Variants in MCC observed in about 807,000 individuals in gnomAD.
MCC encodes the protein MCC regulator of Wnt signaling pathway.
In MCC, 90 loss-of-function variants were observed where a neutral mutation model predicts 116.2. That is an observed-to-expected ratio of 0.77 (90% CI 0.65 to 0.92). The LOEUF is 0.92. Among genes scored for constraint, MCC ranks in the 40% least tolerant of loss-of-function variants. The probability of loss-of-function intolerance (pLI) is 0.00; values close to 1 mark genes in which losing one functional copy is unlikely to be tolerated. For synonymous variants in MCC, 578 were observed against 510.5 expected, an observed-to-expected ratio of 1.13 and a Z score of -1.78; for missense variants, 1,516 against 1,312.2, an observed-to-expected ratio of 1.16 and a Z score of -2.40.
At chr5:113,471,952 C>A (rs1040203521) in intron 1 of MCC, among the ~76,000 whole-genome samples, 1 of 152,108 alleles carries the variant, frequency 6.6e-6, no homozygotes, top group Non-Finnish European at 1.5e-5. Flanking sequence ...GGGCGTGGGA[C>A]CCTTCGAGCC....
At chr5:113,343,558 G>T (rs1768061113) in intron 2 of MCC, among the ~76,000 whole-genome samples, 1 of 152,162 alleles carries the variant, frequency 6.6e-6, no homozygotes, top group African/African-American at 2.4e-5. Flanking sequence ...TCCCCACATT[G>T]GACTGAGTCA....
intron 1 of MCC, among the ~76,000 whole-genome samples, chr5:113,484,680 G>C (rs1772466056): frequency 6.6e-6 from 1 of 152,194 alleles, no homozygotes; most frequent in Admixed American, 6.5e-5. Context: ...ATCAACATTT[G>C]AGCTGAGACT....
At position 113,082,915 on chromosome 5, in the gene MCC, C is replaced by G; in HGVS notation, c.1729G>C (p.Ala577Pro). The G allele has an allele frequency of 3.7e-6, 6 of 1,614,174 alleles. No homozygotes were observed. The highest frequency in any genetic ancestry group is 5.1e-6 in the Non-Finnish European group (6 of 1,180,022). Residue 577 changes from alanine (A) to proline (P), a missense_variant, in exon 11 of 19, where the codon GCC becomes CCC. Physicochemically the swap from Ala to Pro is conservative, Grantham distance 27. Coordinates refer to ENST00000408903, the MANE Select transcript of MCC (RefSeq NM_001085377.2). ...TCTCTAATCTTGCTTTCTGAGATGG[C>G]AGATCCGTGTGAGTAGAGTGTTTGG... Reference protein sequence around the residue: ...IFQTLYSHGSAISESKIREFE... With the variant: ...IFQTLYSHGSPISESKIREFE...
At chr5:113,339,926 T>C (rs1331935731) in intron 3 of MCC, among the ~76,000 whole-genome samples, 1 of 152,244 alleles carries the variant, frequency 6.6e-6, no homozygotes, top group Non-Finnish European at 1.5e-5. Context: ...TCACCCAAAA[T>C]GGCCAGGCCA....
intron 1 of MCC, among the ~76,000 whole-genome samples, chr5:113,419,647 T>A (rs981466825): frequency 4.0e-5 from 6 of 151,474 alleles, no homozygotes; most frequent in African/African-American, 1.5e-4. Flanking sequence ...ATAGACTGGA[T>A]TAAGAAAATG....
intron 2 of MCC, among the ~76,000 whole-genome samples, chr5:113,368,959 T>C (rs1451281354): frequency 6.6e-6 from 1 of 152,154 alleles, no homozygotes; most frequent in Non-Finnish European, 1.5e-5. Context: ...TTTGCTAGAG[T>C]GGCTCACAGA....
chr5:113,256,002 T>C (rs868391426), intron 3 of MCC, among the ~76,000 whole-genome samples: 13 of 152,250 alleles, frequency 8.5e-5, no homozygotes, highest in Admixed American at 8.5e-4. Context: ...CAAACTCTTA[T>C]TCACTGAACA....
At position 113,123,030 on chromosome 5, in the gene MCC, A is replaced by C. The variant is rs528487185; in HGVS notation, c.885-204T>G. Among the ~76,000 whole-genome samples the C allele has an allele frequency of 2.0e-5, 3 of 152,334 alleles. No individual in the cohort carries two copies. The South Asian group carries it at 6.2e-4, about 32-fold the overall frequency. ...AAGCTGAAAGGTTGCCTCTGTGTCC[A>C]CAAAACATACCCATGTACCAAACGA... On this transcript the variant is annotated intron_variant, in intron 5 of 18. Coordinates refer to ENST00000408903, the MANE Select transcript of MCC (RefSeq NM_001085377.2).
chr5:113,462,951 G>C (rs763484201), intron 1 of MCC, among the ~76,000 whole-genome samples: 33 of 152,140 alleles, frequency 2.2e-4, no homozygotes, highest in Admixed American at 6.5e-4. Flanking sequence ...ATTACAAATG[G>C]AGATAAGTAA....
chr5:113,100,862 CAAGA>C (rs1426922901), intron 8 of MCC, among the ~76,000 whole-genome samples: 1 of 152,070 alleles, frequency 6.6e-6, no homozygotes, highest in Non-Finnish European at 1.5e-5. Context: ...TTGCCAAGAC[CAAGA>C]AAGAGAGTCA....
chr5:113,266,498 T>C (rs903180837), intron 3 of MCC, among the ~76,000 whole-genome samples: 1 of 152,184 alleles, frequency 6.6e-6, no homozygotes, highest in Non-Finnish European at 1.5e-5. Context: ...TGTATTTATC[T>C]GGGAGAGGGA....
intron 3 of MCC, among the ~76,000 whole-genome samples, chr5:113,279,032 AG>A (rs1765934974): frequency 1.3e-5 from 2 of 152,236 alleles, no homozygotes; most frequent in South Asian, 4.1e-4. Context: ...AAGAATATAA[AG>A]GGAAAAGCCC....
At chr5:113,365,344 T>G (rs1436166366) in intron 2 of MCC, among the ~76,000 whole-genome samples, 1 of 152,206 alleles carries the variant, frequency 6.6e-6, no homozygotes, top group African/African-American at 2.4e-5. Flanking sequence ...AGCCAGGGTC[T>G]CTGCTAAACC....
intron 1 of MCC, among the ~76,000 whole-genome samples, chr5:113,465,114 G>A (rs1485691816): frequency 3.3e-5 from 5 of 149,966 alleles, no homozygotes; most frequent in South Asian, 4.2e-4. Flanking sequence ...TTTGTGGGGC[G>A]GAGGGAGACA....
intron 3 of MCC, among the ~76,000 whole-genome samples, chr5:113,312,109 AAAAC>A (rs1480237164): frequency 6.6e-6 from 1 of 151,864 alleles, no homozygotes; most frequent in East Asian, 1.9e-4. Flanking sequence ...CCATCTCAAA[AAAAC>A]AAACAAACAA....
chr5:113,475,568 A>T (rs1772215212), intron 1 of MCC, among the ~76,000 whole-genome samples: 1 of 152,232 alleles, frequency 6.6e-6, no homozygotes, highest in South Asian at 2.1e-4. Context: ...GCTGACAGTT[A>T]ACTGTTCTCT....
chr5:113,375,617 G>A (rs922254585), intron 2 of MCC, among the ~76,000 whole-genome samples: 1 of 152,162 alleles, frequency 6.6e-6, no homozygotes, highest in Non-Finnish European at 1.5e-5. Context: ...ACAGGGGCTG[G>A]AGGGACTAAG....
intron 3 of MCC, among the ~76,000 whole-genome samples, chr5:113,304,510 A>T (rs1766935307): frequency 6.6e-6 from 1 of 152,196 alleles, no homozygotes; most frequent in South Asian, 2.1e-4. Flanking sequence ...CATCTCCGAC[A>T]TTATCAGTGG....
In MCC at chr5:113,082,979, G is replaced by C; in HGVS notation, c.1665C>G (p.Ala555=). The C allele has an allele frequency of 6.2e-7, 1 of 1,613,970 alleles. No homozygotes were observed. Among genetic ancestry groups the C allele is most frequent in the Non-Finnish European group, 8.5e-7 (1 of 1,179,966 alleles). Residue 555 remains alanine, a synonymous_variant, in exon 11 of 19, where the codon GCC becomes GCG. Transcript: ENST00000408903. ...TATTGGAGCAGTCCTGAAGTGAGTG[G>C]GCCAGGTGTTCAGCCACACTGCTGG... is the stretch of plus-strand genomic sequence containing the variant. ...GVSSSVAEHL[A]HSLQDCSNIQ... is the part of the protein sequence containing the mutation.
Sources: gnomAD v4.1 joint callset for allele counts (sites outside exome capture counted in the v4.1 genomes callset) on GRCh38, gnomAD v4.1.1 for gene constraint, MANE v1.5 for transcripts, NCBI Gene and HGNC (gene_info 2026-07-23, HGNC 2026-07-21) for gene names.